The following CAPG variants were observed in gnomAD, a reference collection of about 807,000 sequenced individuals.
CAPG encodes the protein macrophage-capping protein.
CAPG carries 32 observed loss-of-function variants against 44.6 expected under a neutral mutation model. The observed-to-expected ratio is 0.72, with a 90% confidence interval of 0.54 to 0.96. The LOEUF is 0.96. Ranked by LOEUF, CAPG falls within the 50% of genes least tolerant of loss-of-function variation. CAPG has a pLI of 0.00. For missense variants in CAPG, 412 were observed against 438.3 expected (o/e 0.94, Z 0.54); for synonymous variants, 175 against 179.6 (o/e 0.97, Z 0.20).
At chr2:85,398,912 G>A (rs1190717903) in intron 6 of CAPG, 130 bp from the exon 7 acceptor site, 2 of 829,602 alleles carry the variant, frequency 2.4e-6, no homozygotes, top group East Asian at 5.4e-5. Context: ...CAGAGGTGAG[G>A]TGAGTGAGGG....
chr2:85,408,162 G>C (rs952475404), intron 1 of CAPG, among the ~76,000 whole-genome samples: 1 of 152,072 alleles, frequency 6.6e-6, no homozygotes, highest in Non-Finnish European at 1.5e-5. Flanking sequence ...GGCCAACATG[G>C]TGAAACTCCA....
In CAPG at chr2:85,398,045, G is replaced by C. The variant is rs1686687619; in HGVS notation, c.867C>G (p.Leu289=). 1.9e-6 allele frequency: 3 copies of C among 1,613,980 alleles called. No homozygotes were observed. The highest frequency in any genetic ancestry group is 1.7e-5 in the Admixed American group (1 of 59,998). Residue 289 remains leucine, a synonymous_variant, in exon 8 of 10, where the codon CTC becomes CTG. Coordinates refer to ENST00000263867, the MANE Select transcript of CAPG (RefSeq NM_001747.4). Reference sequence around the variant, plus strand: ...CCTTCCAGATATAGATCTTGCCACAGAGCCCGTTGTCCAGCACAAAGCAGT... The same window carrying C: ...CCTTCCAGATATAGATCTTGCCACACAGCCCGTTGTCCAGCACAAAGCAGT... ...SDDCFVLDNG[L]CGKIYIWKGR...
At chr2:85,403,319 A>G (rs1686993063) in intron 1 of CAPG, among the ~76,000 whole-genome samples, 1 of 152,250 alleles carries the variant, frequency 6.6e-6, no homozygotes, top group African/African-American at 2.4e-5. Flanking sequence ...TTATCTGAAC[A>G]GTGGCCATAT....
rs78969947 is a variant in CAPG at position 85,404,155 on chromosome 2, A to G, written c.-13-1997T>C. On this transcript the variant is annotated intron_variant, in intron 1 of 9. Coordinates refer to ENST00000263867, the MANE Select transcript of CAPG (RefSeq NM_001747.4). ...AATTACCTTGATTTGATCATTATAC[A>G]ATATATACACATACATTGCATATGT... 1.6e-3 allele frequency among the ~76,000 whole-genome samples: 237 copies of G among 152,136 alleles called. 3 individuals carry two copies. In the East Asian group the frequency reaches 0.043, roughly 27 times the overall value.
intron 1 of CAPG, among the ~76,000 whole-genome samples, chr2:85,416,920 G>T (rs1670491134): frequency 6.6e-6 from 1 of 152,230 alleles, no homozygotes; most frequent in Admixed American, 6.5e-5. Context: ...ATGGCCAGGG[G>T]TCTGGGTGGC....
chr2:85,399,740 C>CTTTTTTTT (rs765588444), intron 5 of CAPG, among the ~76,000 whole-genome samples: 1 of 127,592 alleles, frequency 7.8e-6, no homozygotes, highest in African/African-American at 3.0e-5. Context: ...CTTTCTTTTT[C>CTTTTTTTT]TTTTTTTTTT....
At position 85,399,352 on chromosome 2, in the gene CAPG, G is replaced by A. The variant is rs1686769673; in HGVS notation, c.517-67C>T. 2.3e-5 allele frequency: 35 copies of A among 1,537,766 alleles called. 1 individual carries two copies. The South Asian group carries it at 4.1e-4, about 18-fold the overall frequency. On this transcript the variant is annotated intron_variant, in intron 5 of 9. Coordinates refer to ENST00000263867, the MANE Select transcript of CAPG (RefSeq NM_001747.4). ...GTGTCCTGCTCCCCAGCTCAGAGAA[G>A]GGCGCACAGCTCTCCCTCTCTCCTC...
rs537179124 is a variant in CAPG at position 85,417,599 on chromosome 2, C to T, written c.-14+668G>A. On this transcript the variant is annotated intron_variant, in intron 1 of 5. Coordinates refer to the CAPG transcript ENST00000409275. ...CTGAGTTCAAGCAATTCTCCTGCCT[C>T]AGCCTCCCGAGTAGCTGGGATTACA... 5.9e-5 allele frequency among the ~76,000 whole-genome samples: 9 copies of T among 151,696 alleles called. No homozygotes were observed. In the South Asian group the frequency reaches 1.9e-3, roughly 32 times the overall value.
chr2:85,406,524 G>A (rs781038406), intron 1 of CAPG, among the ~76,000 whole-genome samples: 11 of 152,084 alleles, frequency 7.2e-5, no homozygotes, highest in Non-Finnish European at 1.2e-4. Context: ...TGCCCCCGCC[G>A]CCCCAGTGAT....
At chr2:85,404,507 T>C (rs554886837) in intron 1 of CAPG, among the ~76,000 whole-genome samples, 62 of 152,246 alleles carry the variant, frequency 4.1e-4, no homozygotes, top group African/African-American at 1.4e-3. Context: ...TTCCAGCACT[T>C]TGGGAGGCCG....
At chr2:85,398,928 T>A in intron 6 of CAPG, 146 bp from the exon 7 acceptor site, 2 of 820,484 alleles carry the variant, frequency 2.4e-6, no homozygotes, top group South Asian at 1.8e-5. Flanking sequence ...GAGGGCTGAG[T>A]CCAGCCCACC....
chr2:85,410,824 A>C (rs910792496), upstream of CAPG, among the ~76,000 whole-genome samples: 1 of 151,226 alleles, frequency 6.6e-6, no homozygotes, highest in African/African-American at 2.4e-5. Flanking sequence ...CCTGAATGCA[A>C]GTATTTGATT....
intron 1 of CAPG, among the ~76,000 whole-genome samples, chr2:85,406,494 G>C (rs1018851556): frequency 1.3e-5 from 2 of 152,140 alleles, no homozygotes; most frequent in African/African-American, 4.8e-5. Context: ...GTGGATATCT[G>C]ATTGGGTTCC....
At chr2:85,398,181 A>AC (rs35968248) in intron 7 of CAPG, 29 bp from the exon 8 acceptor site, 2 of 1,606,234 alleles carry the variant, frequency 1.2e-6, no homozygotes, top group East Asian at 2.2e-5. Context: ...GCCTGATCTC[A>AC]CCCCCCACAC....
chr2:85,411,888 C>T (rs746349860), upstream of CAPG, among the ~76,000 whole-genome samples: 16 of 151,804 alleles, frequency 1.1e-4, no homozygotes, highest in African/African-American at 2.4e-4. Flanking sequence ...ATGGTGAAAC[C>T]CTGTCTCTAC....
intron 1 of CAPG, among the ~76,000 whole-genome samples, chr2:85,417,997 G>A (rs1194393905): frequency 6.6e-6 from 1 of 152,160 alleles, no homozygotes; most frequent in Non-Finnish European, 1.5e-5. Context: ...TTGGTCACGA[G>A]AGACTTCCTC....
intron 8 of CAPG, among the ~76,000 whole-genome samples, chr2:85,396,565 T>A (rs1182696428): frequency 6.6e-6 from 1 of 152,134 alleles, no homozygotes; most frequent in African/African-American, 2.4e-5. Context: ...ACCCATGAGA[T>A]CCTTCTCTTC....
chr2:85,410,152 A>G (rs1365923973), intron 1 of CAPG, among the ~76,000 whole-genome samples, 165 bp downstream of exon 1: 1 of 152,048 alleles, frequency 6.6e-6, no homozygotes. Context: ...AGGCTGGGGG[A>G]ACTCCACCCT....
chr2:85,409,996 CAGG>C (rs1216757303), intron 1 of CAPG, among the ~76,000 whole-genome samples: 2 of 152,336 alleles, frequency 1.3e-5, no homozygotes, highest in South Asian at 4.1e-4. Flanking sequence ...TGGCCTCCGT[CAGG>C]AGGTCTGGCA....
Sources: gnomAD v4.1 joint callset for allele counts (sites outside exome capture counted in the v4.1 genomes callset) on GRCh38, gnomAD v4.1.1 for gene constraint, MANE v1.5 for transcripts, NCBI Gene and HGNC (gene_info 2026-07-23, HGNC 2026-07-21) for gene names.